Variants in SZRD1 observed in about 807,000 individuals in gnomAD.
The protein encoded by SZRD1 is SUZ RNA-binding domain-containing.
In SZRD1, 7 loss-of-function variants were observed where a neutral mutation model predicts 17.6. The ratio of observed to expected loss-of-function variants is 0.40; its 90% CI spans 0.23 to 0.75. The LOEUF is 0.75. SZRD1 is among the 30% of genes least tolerant of loss of function. The pLI is 0.38. For missense variants in SZRD1, 178 were observed against 201.8 expected, an observed-to-expected ratio of 0.88 and a Z score of 0.71; for synonymous variants, 77 against 77.9, an observed-to-expected ratio of 0.99 and a Z score of 0.06.
At chr1:16,374,001 G>T (rs1284015184) in intron 1 of SZRD1, among the ~76,000 whole-genome samples, 1 of 152,142 alleles carries the variant, frequency 6.6e-6, no homozygotes, top group Non-Finnish European at 1.5e-5. Context: ...GCTTCACTCT[G>T]GGGTCCCCAA....
chr1:16,397,204 A>G lies in SZRD1; in HGVS notation c.*2064A>G, dbSNP rs2085326643. 1.3e-5 allele frequency: 2 copies of G among 152,224 alleles called. No individual in the cohort carries two copies. Among genetic ancestry groups the G allele is most frequent in the African/African-American group, 4.8e-5 (2 of 41,432 alleles). 9.4% of individuals were successfully genotyped at this position (152,224 alleles called of 1,614,324 possible). A position where few individuals can be genotyped will look rare whatever the true frequency, so the allele number is the denominator to read the frequency against. On this transcript the variant is annotated 3_prime_UTR_variant, in exon 4 of 4. Coordinates refer to ENST00000401088, the MANE Select transcript of SZRD1 (RefSeq NM_001114600.3). The surrounding 1 kb of genome is among the most constrained non-coding windows in gnomAD (Gnocchi z 5.4). ...AAGGCTGGCTGGTGGGTGTCTGTGG[A>G]TTGAGGATGTGGCAGGGACTGGTCC... is the stretch of plus-strand genomic sequence containing the variant.
chr1:16,389,080 CT>C (rs779460255), intron 1 of SZRD1, among the ~76,000 whole-genome samples: 2,172 of 114,844 alleles, frequency 0.019, 18 homozygotes, highest in African/African-American at 0.063. Context: ...TAGTTATTTC[CT>C]TTTTTTTTTT....
chr1:16,369,106 G>C, intron 1 of SZRD1: 1 of 363,922 alleles, frequency 2.7e-6, no homozygotes, highest in Non-Finnish European at 4.9e-6. Flanking sequence ...TGGTTCCCAA[G>C]TTTTATTGAA....
rs1314137130 is a variant in SZRD1 at position 16,395,262 on chromosome 1, A to G, written c.*122A>G. The G allele has an allele frequency of 1.3e-6, 1 of 742,576 alleles. No individual in the cohort carries two copies. Among genetic ancestry groups the G allele is most frequent in the African/African-American group, 1.7e-5 (1 of 57,830 alleles). 46.0% of individuals were successfully genotyped at this position (742,576 alleles called of 1,614,324 possible). On this transcript the variant is annotated 3_prime_UTR_variant, in exon 4 of 4. Coordinates refer to ENST00000401088, the MANE Select transcript of SZRD1 (RefSeq NM_001114600.3). ...AGAGGGAACGACCTGACTTACTTGC[A>G]CTGTGATCCCCCTTGCTCCGCCCAC...
At chr1:16,382,290 C>T (rs1360512107) in intron 1 of SZRD1, among the ~76,000 whole-genome samples, 1 of 151,352 alleles carries the variant, frequency 6.6e-6, no homozygotes, top group African/African-American at 2.4e-5. Context: ...CGGGTTCAAG[C>T]GATTCTCCTG....
At chr1:16,383,591 C>CT (rs150790343) in intron 1 of SZRD1, among the ~76,000 whole-genome samples, 8 of 143,216 alleles carry the variant, frequency 5.6e-5, no homozygotes, top group Admixed American at 6.9e-5. Flanking sequence ...TAATTTTTTT[C>CT]TTTTTTTTTC....
In SZRD1 at chr1:16,376,792, C is replaced by T. The variant is rs564848062; in HGVS notation, c.51+9484C>T. Among the ~76,000 whole-genome samples the T allele has an allele frequency of 5.7e-3, 726 of 128,136 alleles. 7 individuals carry two copies. Among genetic ancestry groups the T allele is most frequent in the African/African-American group, 0.02 (693 of 34,174 alleles). 84.1% of individuals were successfully genotyped at this position (128,136 alleles called of 152,430 possible). On this transcript the variant is annotated intron_variant, in intron 1 of 3. Transcript: ENST00000401088. The stretch of plus-strand genomic sequence containing the variant: ...CTGCACTCCAGCCTGGGCGACACAG[C>T]GAGACTCTGTCTCAAAAAAAAAAAA...
chr1:16,377,953 A>G (rs558934447), intron 1 of SZRD1, among the ~76,000 whole-genome samples: 1 of 152,192 alleles, frequency 6.6e-6, no homozygotes, highest in Admixed American at 6.6e-5. Flanking sequence ...GAGGACTAAT[A>G]TACTCTCCTC....
rs543380733 is a variant in SZRD1, at chr1:16,385,180, C to T, written c.52-6195C>T. 1.1e-4 allele frequency among the ~76,000 whole-genome samples: 17 copies of T among 152,192 alleles called. No individual in the cohort carries two copies. In the East Asian group the frequency reaches 1.2e-3, roughly 10 times the overall value. On this transcript the variant is annotated intron_variant, in intron 1 of 3. Coordinates refer to ENST00000401088, the MANE Select transcript of SZRD1 (RefSeq NM_001114600.3). ...GGTGACACTGGAGACCAGAGGATTC[C>T]GGTTCTCAGAGAGAGGGATGCTGTG...
At position 16,393,392 on chromosome 1, in the gene SZRD1, C is replaced by A. The variant is rs987967291; in HGVS notation, c.266C>A (p.Ala89Glu). The A allele has an allele frequency of 6.2e-7, 1 of 1,614,076 alleles. No homozygotes were observed. Among genetic ancestry groups the A allele is most frequent in the African/African-American group, 1.3e-5 (1 of 74,932 alleles). The part of the protein sequence containing the change: ...SRPTLPVKSL[A>E]QREAEYAEAR... ...CCCACCCTTCCAGTCAAGTCCCTAG[C>A]ACAGCGAGAGGCCGAGTACGCCGAG... The change falls in exon 3 of 4, where the codon GCA (alanine) becomes GAA (glutamate). Residue 89 changes from alanine to glutamate, a missense_variant. Coordinates refer to ENST00000401088, the MANE Select transcript of SZRD1 (RefSeq NM_001114600.3). This position sits in a 1 kb window ranked among gnomAD's most constrained non-coding sequence, Gnocchi z 5.6.
chr1:16,379,140 G>A (rs1292439606), intron 1 of SZRD1, among the ~76,000 whole-genome samples: 2 of 151,668 alleles, frequency 1.3e-5, no homozygotes, highest in Admixed American at 6.6e-5. Context: ...TTGTTTTTGA[G>A]ATGGAGTCTC....
chr1:16,371,030 A>C (rs751456890), intron 1 of SZRD1, among the ~76,000 whole-genome samples: 2 of 152,152 alleles, frequency 1.3e-5, no homozygotes, highest in Non-Finnish European at 2.9e-5. Context: ...CCCTCTTCCT[A>C]CTGGTAATGA....
chr1:16,368,865 C>T (rs1159549574), intron 1 of SZRD1, among the ~76,000 whole-genome samples: 1 of 152,206 alleles, frequency 6.6e-6, no homozygotes. Flanking sequence ...TGGTTTTCCT[C>T]ACCTGTTTCA....
chr1:16,371,586 C>A (rs1046544781), intron 1 of SZRD1, among the ~76,000 whole-genome samples: 9 of 151,564 alleles, frequency 5.9e-5, no homozygotes, highest in African/African-American at 2.2e-4. Context: ...CTCAGCCTCC[C>A]GAGTAGCTGG....
intron 2 of SZRD1, among the ~76,000 whole-genome samples, chr1:16,392,951 G>A (rs2085241737): frequency 6.6e-6 from 1 of 152,236 alleles, no homozygotes; most frequent in African/African-American, 2.4e-5. Flanking sequence ...TGAACATGGG[G>A]ATAGAAGTGC....
chr1:16,376,868 T>G (rs1204901580), intron 1 of SZRD1, among the ~76,000 whole-genome samples: 2 of 150,432 alleles, frequency 1.3e-5, no homozygotes, highest in Non-Finnish European at 2.9e-5. Flanking sequence ...GGTCTTGCCT[T>G]GTTACCCAGA....
chr1:16,382,911 G>C (rs2083129787), intron 1 of SZRD1, among the ~76,000 whole-genome samples: 1 of 150,330 alleles, frequency 6.7e-6, no homozygotes, highest in Non-Finnish European at 1.5e-5. Flanking sequence ...TCTCCCCCCT[G>C]CTAGAGTACA....
chr1:16,380,471 A>AT lies in SZRD1; in HGVS notation c.52-10893dup, dbSNP rs57317351. Among the ~76,000 whole-genome samples, 1,087 of 145,516 alleles carry AT rather than the reference A, an allele frequency of 7.5e-3. 15 individuals carry two copies. Among genetic ancestry groups the AT allele is most frequent in the African/African-American group, 0.025 (981 of 39,830 alleles). ...GCATGTGCCACCATGCCTGGCTTTT[A>AT]TTTTTTTTTTTGAGATGGAGTTTCT... is the stretch of plus-strand genomic sequence containing the variant. On this transcript the variant is annotated intron_variant, in intron 1 of 3. Coordinates refer to ENST00000401088, the MANE Select transcript of SZRD1 (RefSeq NM_001114600.3).
intron 1 of SZRD1, among the ~76,000 whole-genome samples, chr1:16,386,562 A>G (rs2085122863): frequency 6.6e-6 from 1 of 152,176 alleles, no homozygotes; most frequent in Admixed American, 6.5e-5. Context: ...TGAGAAGAGA[A>G]TAGACTGACT....
Sources: allele counts gnomAD v4.1 joint callset (sites outside exome capture counted in the v4.1 genomes callset), GRCh38; gene constraint gnomAD v4.1.1; non-coding constraint Gnocchi (gnomAD v3.1); transcripts MANE v1.5; gene names NCBI Gene and HGNC (gene_info 2026-07-23, HGNC 2026-07-21).